EXOC4: variants seen among roughly 807,000 people sequenced by gnomAD.
EXOC4 encodes exocyst complex component 4.
A neutral mutation model predicts 107.2 loss-of-function variants in EXOC4; 71 were observed. The ratio of observed to expected loss-of-function variants is 0.66; its 90% CI spans 0.55 to 0.81. EXOC4 has a LOEUF of 0.81. EXOC4 is among the 30% of genes least tolerant of loss of function. The probability of loss-of-function intolerance (pLI) is 0.00; values close to 1 mark genes in which losing one functional copy is unlikely to be tolerated. For missense variants in EXOC4, 1,108 were observed against 1,189.6 expected, an observed-to-expected ratio of 0.93 and a Z score of 1.01; for synonymous variants, 456 against 441.2, an observed-to-expected ratio of 1.03 and a Z score of -0.42.
chr7:133,968,015 T>C (rs1044916408), intron 14 of EXOC4, among the ~76,000 whole-genome samples: 5 of 152,230 alleles, frequency 3.3e-5, no homozygotes, highest in African/African-American at 1.2e-4. Flanking sequence ...TGGGTGCTCC[T>C]GTATTGGGTG....
intron 11 of EXOC4, among the ~76,000 whole-genome samples, chr7:133,824,144 T>C (rs1294621092): frequency 2.6e-5 from 4 of 151,108 alleles, no homozygotes; most frequent in Non-Finnish European, 5.9e-5. Context: ...ATGGGAATCA[T>C]AGAATCTGTG....
chr7:134,075,693 C>T, the EXOC4 span, among the ~76,000 whole-genome samples: 60 of 152,284 alleles, frequency 3.9e-4, no homozygotes, highest in Admixed American at 3.4e-3. Context: ...CACAGCCAAA[C>T]CATATCAGGG....
intron 14 of EXOC4, among the ~76,000 whole-genome samples, chr7:133,994,332 T>C (rs1403973041): frequency 3.3e-5 from 5 of 152,084 alleles, no homozygotes; most frequent in African/African-American, 7.2e-5. Flanking sequence ...CCGTGGCATA[T>C]ATGCACCATG....
At chr7:133,833,563 G>T (rs540361030) in intron 11 of EXOC4, among the ~76,000 whole-genome samples, 13 of 152,208 alleles carry the variant, frequency 8.5e-5, no homozygotes, top group East Asian at 3.9e-4. Flanking sequence ...CTTTTGTTTG[G>T]TTGGTTGGTT....
intron 13 of EXOC4, among the ~76,000 whole-genome samples, chr7:133,926,496 A>G (rs1172610676): frequency 2.6e-5 from 4 of 152,328 alleles, no homozygotes; most frequent in African/African-American, 9.6e-5. Flanking sequence ...GATGTATTAT[A>G]TTGTTACAGG....
chr7:133,576,856 T>G, intron 9 of EXOC4: 1 of 1,289,414 alleles, frequency 7.8e-7, no homozygotes, highest in South Asian at 1.2e-5. Context: ...TCATCTGTTT[T>G]AAGATGAATT....
intron 2 of EXOC4, among the ~76,000 whole-genome samples, chr7:133,281,926 C>T (rs1162742739): frequency 6.6e-6 from 1 of 152,158 alleles, no homozygotes; most frequent in East Asian, 1.9e-4. Context: ...TAGTCTTGAA[C>T]TCCTGACTTC....
intron 9 of EXOC4, among the ~76,000 whole-genome samples, chr7:133,539,762 A>AT (rs545179784): frequency 6.6e-6 from 1 of 152,114 alleles, no homozygotes; most frequent in Non-Finnish European, 1.5e-5. Flanking sequence ...CTGTTTGAAG[A>AT]TCCCATCATT....
At chr7:134,071,162 A>G (rs556128763), downstream of EXOC4, among the ~76,000 whole-genome samples, 258 of 152,322 alleles carry the variant, frequency 1.7e-3, no homozygotes, top group Middle Eastern at 0.01. Flanking sequence ...CAATAATCCT[A>G]CAAGATGTAT....
chr7:133,326,322 T>C (rs1795239607), intron 5 of EXOC4, among the ~76,000 whole-genome samples: 2 of 152,094 alleles, frequency 1.3e-5, no homozygotes, highest in South Asian at 4.1e-4. Context: ...CTCTGTTTTT[T>C]CCCCATCTTT....
chr7:133,657,336 A>T (rs1803323318), intron 10 of EXOC4, among the ~76,000 whole-genome samples: 1 of 151,884 alleles, frequency 6.6e-6, no homozygotes, highest in Admixed American at 6.6e-5. Flanking sequence ...ACTTCCGAGC[A>T]TTTTTTTTAG....
chr7:133,415,514 A>G (rs1339453104), intron 7 of EXOC4, among the ~76,000 whole-genome samples: 1 of 152,120 alleles, frequency 6.6e-6, no homozygotes, highest in African/African-American at 2.4e-5. Flanking sequence ...TCTGGTGGCT[A>G]ATGATGTTGA....
In EXOC4 at chr7:133,604,706, C is replaced by CTTTTTTTTTTTTTTTTTT. The variant is rs1554477961; in HGVS notation, c.1418-25336_1418-25335insTTTTTTTTTTTTTTTTTT. Among the ~76,000 whole-genome samples, 245 of 87,496 alleles carry CTTTTTTTTTTTTTTTTTT rather than the reference C, an allele frequency of 2.8e-3. 49 individuals carry two copies. Among genetic ancestry groups the CTTTTTTTTTTTTTTTTTT allele is most frequent in the Non-Finnish European group, 3.9e-3 (170 of 44,022 alleles). The allele number at this position is 87,496 out of a possible 152,430, so 57.4% of individuals were successfully genotyped here. On this transcript the variant is annotated intron_variant, in intron 9 of 17. Coordinates refer to ENST00000253861, the MANE Select transcript of EXOC4 (RefSeq NM_021807.4). ...TTTTTCTTTCCTTCCTTCCTTCCTT[C>CTTTTTTTTTTTTTTTTTT]TTTCTTTTTTTTTTTTTTTTTTTTT...
chr7:133,914,583 C>G (rs917247651), intron 12 of EXOC4, among the ~76,000 whole-genome samples: 1 of 151,640 alleles, frequency 6.6e-6, no homozygotes, highest in Non-Finnish European at 1.5e-5. Context: ...AGTAAGAACT[C>G]AATTTGTACT....
At chr7:133,980,109 C>T (rs559337970) in intron 14 of EXOC4, among the ~76,000 whole-genome samples, 4 of 152,324 alleles carry the variant, frequency 2.6e-5, no homozygotes, top group African/African-American at 7.2e-5. Context: ...CTAATTTAAA[C>T]ATTGCCAGAA....
At chr7:133,750,973 G>A (rs1451186089) in intron 10 of EXOC4, among the ~76,000 whole-genome samples, 1 of 152,208 alleles carries the variant, frequency 6.6e-6, no homozygotes, top group South Asian at 2.1e-4. Flanking sequence ...TTGGACAGAC[G>A]TTGTTTGTAT....
chr7:134,056,862 C>T (rs1472709288), intron 17 of EXOC4, among the ~76,000 whole-genome samples: 1 of 152,174 alleles, frequency 6.6e-6, no homozygotes, highest in Non-Finnish European at 1.5e-5. Context: ...AGGAGTGTGT[C>T]ATCATCTCAA....
At chr7:133,356,890 G>C (rs914490074) in intron 6 of EXOC4, among the ~76,000 whole-genome samples, 2 of 152,264 alleles carry the variant, frequency 1.3e-5, no homozygotes, top group African/African-American at 4.8e-5. Context: ...TGAGGCAGGA[G>C]AACTGCTTGA....
intron 5 of EXOC4, among the ~76,000 whole-genome samples, chr7:133,345,869 G>T (rs925103959): frequency 6.6e-6 from 1 of 152,176 alleles, no homozygotes; most frequent in Non-Finnish European, 1.5e-5. Flanking sequence ...ATTGTCTGTA[G>T]TTTTCTTTAA....
Sources: gnomAD v4.1 joint callset for allele counts (sites outside exome capture counted in the v4.1 genomes callset) on GRCh38, gnomAD v4.1.1 for gene constraint, MANE v1.5 for transcripts, NCBI Gene and HGNC (gene_info 2026-07-23, HGNC 2026-07-21) for gene names.